Variants in ALOX5 observed in about 807,000 individuals in gnomAD.
ALOX5 encodes the protein polyunsaturated fatty acid 5-lipoxygenase.
In ALOX5, 64 loss-of-function variants were observed where a neutral mutation model predicts 87.9. The ratio of observed to expected loss-of-function variants is 0.73; its 90% CI spans 0.60 to 0.90. The LOEUF is 0.90. ALOX5 is among the 40% of genes least tolerant of loss of function. The pLI is 0.00. For synonymous variants in ALOX5, 388 were observed against 355.1 expected (o/e 1.09, Z -1.04); for missense variants, 822 against 907.5 (o/e 0.91, Z 1.21).
intron 3 of ALOX5, among the ~76,000 whole-genome samples, 164 bp downstream of exon 3, chr10:45,396,100 A>G (rs1840493150): frequency 6.6e-6 from 1 of 152,192 alleles, no homozygotes; most frequent in African/African-American, 2.4e-5. Context: ...ACTTCACCTT[A>G]CCTACAACTC....
Position 45,444,401 on chromosome 10 carries a change from C to T in ALOX5, c.1845+115C>T, listed in dbSNP as rs1448645780. 5.1e-6 allele frequency: 7 copies of T among 1,369,436 alleles called. No individual in the cohort carries two copies. The East Asian group carries it at 1.8e-4, about 35-fold the overall frequency. The allele number at this position is 1,369,436 out of a possible 1,614,324, so 84.8% of individuals were successfully genotyped here. The stretch of plus-strand genomic sequence containing the variant: ...CTCACTTGGAGCAAAGGAATCCTGA[C>T]TTCCAAGGCTGGAAGGGCCCAGAAG... On this transcript the variant is annotated intron_variant, in intron 13 of 13. Coordinates refer to ENST00000374391, the MANE Select transcript of ALOX5 (RefSeq NM_000698.5).
intron 2 of ALOX5, among the ~76,000 whole-genome samples, chr10:45,383,633 C>A (rs116330285): frequency 3.9e-4 from 59 of 152,314 alleles, no homozygotes; most frequent in African/African-American, 1.4e-3. Context: ...GAAGAGATGA[C>A]TGTTACCCCC....
intron 2 of ALOX5, among the ~76,000 whole-genome samples, chr10:45,390,753 T>C (rs1003825471): frequency 6.6e-6 from 1 of 152,102 alleles, no homozygotes; most frequent in African/African-American, 2.4e-5. Flanking sequence ...AGATCTAAAA[T>C]TGACACCCTA....
At chr10:45,377,369 G>A (rs1428166676) in intron 1 of ALOX5, among the ~76,000 whole-genome samples, 1 of 141,884 alleles carries the variant, frequency 7.0e-6, no homozygotes, top group African/African-American at 2.7e-5. Flanking sequence ...TCCTTCCCCT[G>A]CTCCCAGTTC....
intron 1 of ALOX5, among the ~76,000 whole-genome samples, chr10:45,376,326 G>T (rs1839610708): frequency 6.6e-6 from 1 of 151,790 alleles, no homozygotes; most frequent in African/African-American, 2.4e-5. Flanking sequence ...TATAAGTCAG[G>T]GGTGGGGCGG....
intron 1 of ALOX5, 121 bp downstream of exon 1, chr10:45,374,550 G>A (rs1028045771): frequency 1.0e-6 from 1 of 1,001,344 alleles, no homozygotes; most frequent in Non-Finnish European, 1.3e-6. Flanking sequence ...CAGGACTGGG[G>A]GTGTCCAGGA....
chr10:45,427,847 G>GT (rs1841777166), intron 6 of ALOX5, among the ~76,000 whole-genome samples: 1 of 152,150 alleles, frequency 6.6e-6, no homozygotes, highest in African/African-American at 2.4e-5. Context: ...GCGTGTCGAG[G>GT]TGTGTTGACT....
At chr10:45,417,550 C>T (rs1589024284) in intron 4 of ALOX5, among the ~76,000 whole-genome samples, 1 of 152,288 alleles carries the variant, frequency 6.6e-6, no homozygotes, top group Middle Eastern at 3.4e-3. Flanking sequence ...AGCATCTTTC[C>T]AGCTGCCTCC....
intron 7 of ALOX5, among the ~76,000 whole-genome samples, chr10:45,430,286 T>C (rs1841864080): frequency 6.6e-6 from 1 of 152,128 alleles, no homozygotes. Context: ...CTCTTTCTTC[T>C]TCTGAAAATG....
chr10:45,383,744 T>C (rs1839922765), intron 2 of ALOX5, among the ~76,000 whole-genome samples: 1 of 152,214 alleles, frequency 6.6e-6, no homozygotes, highest in African/African-American at 2.4e-5. Flanking sequence ...GATGTGGAAT[T>C]TGACTTAAGA....
chr10:45,416,183 C>T (rs1247160031), intron 4 of ALOX5, among the ~76,000 whole-genome samples: 1 of 152,084 alleles, frequency 6.6e-6, no homozygotes, highest in Non-Finnish European at 1.5e-5. Context: ...GCTTCATGGC[C>T]ATCCTGGGAG....
At chr10:45,421,762 G>A (rs1401472836) in intron 4 of ALOX5, among the ~76,000 whole-genome samples, 2 of 152,264 alleles carry the variant, frequency 1.3e-5, no homozygotes, top group Non-Finnish European at 2.9e-5. Flanking sequence ...GAAGGTACCA[G>A]AAGGACTGGA....
rs183578128 is a variant in ALOX5 at position 45,426,959 on chromosome 10, G to A, written c.835-1659G>A. Among the ~76,000 whole-genome samples the A allele has an allele frequency of 5.3e-5, 8 of 152,270 alleles. No homozygotes were observed. In the East Asian group the frequency reaches 1.5e-3, roughly 29 times the overall value. On this transcript the variant is annotated intron_variant, in intron 6 of 13. Transcript: ENST00000374391. ...CAGCAGATGTCTTAGGCCATCCTCG[G>A]GCCTCACTGATTCTGTGAGCCAGTG... is the stretch of plus-strand genomic sequence containing the variant.
In ALOX5 at chr10:45,396,246, T is replaced by G. The variant is rs1217846541; in HGVS notation, c.431+310T>G. Among the ~76,000 whole-genome samples, 3 of 152,236 alleles carry G rather than the reference T, an allele frequency of 2.0e-5. No individual in the cohort carries two copies. The East Asian group carries it at 5.8e-4, about 29-fold the overall frequency. On this transcript the variant is annotated intron_variant, in intron 3 of 13. Coordinates refer to ENST00000374391, the MANE Select transcript of ALOX5 (RefSeq NM_000698.5). ...GGGGTTGCCTCTTACTTCTTATGTC[T>G]TCTTATAACAATTCAATTATAAAAG... is the stretch of plus-strand genomic sequence containing the variant.
chr10:45,425,617 C>T lies in ALOX5; in HGVS notation c.834+485C>T, dbSNP rs1014511797. On this transcript the variant is annotated intron_variant, in intron 6 of 13. Transcript: ENST00000374391. This position sits in a 1 kb window ranked among gnomAD's most constrained non-coding sequence, Gnocchi z 4.4. ...CGTTAGAAATGCTGCTGCCCATGCT[C>T]CTGTCGCACCCTCCTCCCCACCCTC... is the stretch of plus-strand genomic sequence containing the variant. Among the ~76,000 whole-genome samples, 2 of 152,212 alleles carry T rather than the reference C, an allele frequency of 1.3e-5. No individual in the cohort carries two copies. The highest frequency in any genetic ancestry group is 2.9e-5 in the Non-Finnish European group (2 of 68,038).
Position 45,428,616 on chromosome 10 carries a change from A to C in ALOX5, c.835-2A>C. The C allele has an allele frequency of 6.2e-7, 1 of 1,614,112 alleles. No individual in the cohort carries two copies. Among genetic ancestry groups the C allele is most frequent in the Middle Eastern group, 1.7e-4 (1 of 6,038 alleles). On this transcript the variant is annotated splice_acceptor_variant, in intron 6 of 13. Coordinates refer to ENST00000374391, the MANE Select transcript of ALOX5 (RefSeq NM_000698.5). LOFTEE classifies it high-confidence loss of function. The stretch of plus-strand genomic sequence containing the variant: ...TTGGACACATCTCTCTGCCTCCTGC[A>C]GCAAGGGAACATTTTCATCGTGGAC...
intron 3 of ALOX5, among the ~76,000 whole-genome samples, chr10:45,405,384 T>G (rs9282589): frequency 0.021 from 3,272 of 152,334 alleles, 177 homozygotes; most frequent in Admixed American, 0.12. Flanking sequence ...ACCTTGTGGT[T>G]GTTTTAGTCT....
At chr10:45,432,472 C>G (rs923556319) in intron 7 of ALOX5, among the ~76,000 whole-genome samples, 1 of 151,808 alleles carries the variant, frequency 6.6e-6, no homozygotes, top group Non-Finnish European at 1.5e-5. Context: ...AATTGGGGGA[C>G]AGTATAGAGT....
chr10:45,423,327 G>A (rs955749037), intron 4 of ALOX5, among the ~76,000 whole-genome samples: 2 of 152,178 alleles, frequency 1.3e-5, no homozygotes, highest in African/African-American at 4.8e-5. Flanking sequence ...GAGAAACTGA[G>A]GCACAGTGTG....
Sources: allele counts gnomAD v4.1 joint callset (sites outside exome capture counted in the v4.1 genomes callset), GRCh38; gene constraint gnomAD v4.1.1; non-coding constraint Gnocchi (gnomAD v3.1); transcripts MANE v1.5; gene names NCBI Gene and HGNC (gene_info 2026-07-23, HGNC 2026-07-21).